Variants in ITFG2 observed in about 807,000 individuals in gnomAD.
ITFG2 encodes the protein KICSTOR complex protein ITFG2.
A neutral mutation model predicts 54.4 loss-of-function variants in ITFG2; 36 were observed. That is an observed-to-expected ratio of 0.66 (90% CI 0.51 to 0.87). ITFG2 has a LOEUF of 0.87. Ranked by LOEUF, ITFG2 falls within the 40% of genes least tolerant of loss-of-function variation. The pLI, the probability that ITFG2 is intolerant of heterozygous loss-of-function variation, is 0.00. For missense variants in ITFG2, 524 were observed against 576.7 expected (o/e 0.91, Z 0.94); for synonymous variants, 211 against 225.4 (o/e 0.94, Z 0.57).
upstream of ITFG2, chr12:2,834,900 TC>T: frequency 6.2e-7 from 1 of 1,613,876 alleles, no homozygotes; most frequent in East Asian, 2.2e-5. Context: ...CTCTGCTTCT[TC>T]CTGCCTGTCT....
chr12:2,838,669 C>T (rs1157619269), intron 1 of ITFG2, among the ~76,000 whole-genome samples: 1 of 152,198 alleles, frequency 6.6e-6, no homozygotes, highest in Non-Finnish European at 1.5e-5. Flanking sequence ...CCCCTGTGTT[C>T]TGTAACCCAA....
downstream of ITFG2, chr12:2,827,725 C>A: frequency 6.2e-7 from 1 of 1,612,908 alleles, no homozygotes; most frequent in South Asian, 1.1e-5. This position sits in a 1 kb window ranked among gnomAD's most constrained non-coding sequence, Gnocchi z 4.0. Flanking sequence ...TCCCAGTGGT[C>A]ACTGCTGCCC....
chr12:2,818,089 A>AC lies in ITFG2; in HGVS notation c.235-15dup, dbSNP rs2097928083. 1 of 1,613,070 alleles carries AC rather than the reference A, an allele frequency of 6.2e-7. No individual in the cohort carries two copies. Among genetic ancestry groups the AC allele is most frequent in the South Asian group, 1.1e-5 (1 of 91,064 alleles). Reference sequence around the variant, plus strand: ...TCCCTCCCCAGTCCATCTCTACTATACCTCTGTTTGTCCTAGAACCTGTTG... The same window carrying AC: ...TCCCTCCCCAGTCCATCTCTACTATACCCTCTGTTTGTCCTAGAACCTGTTG... On this transcript the variant is annotated splice_polypyrimidine_tract_variant and intron_variant, in intron 3 of 11. Coordinates refer to ENST00000228799, the MANE Select transcript of ITFG2 (RefSeq NM_018463.4).
intron 2 of ITFG2, chr12:2,849,669 C>A: frequency 1.1e-6 from 1 of 912,490 alleles, no homozygotes; most frequent in Admixed American, 2.4e-5. Flanking sequence ...TGTCTCTCCA[C>A]CTAATCGGAT....
chr12:2,834,574 C>G, upstream of ITFG2: 1 of 1,515,820 alleles, frequency 6.6e-7, no homozygotes, highest in East Asian at 2.3e-5. Context: ...GTCCTGCCTC[C>G]TGCTCAGGAT....
At chr12:2,857,045 C>T (rs1345203485) in intron 2 of ITFG2, 2 of 702,876 alleles carry the variant, frequency 2.8e-6, no homozygotes. Context: ...GCCTCAGAGC[C>T]AGGAGGGGCG....
chr12:2,834,932 CT>C (rs1354017708), upstream of ITFG2: 1 of 1,610,992 alleles, frequency 6.2e-7, no homozygotes, highest in South Asian at 1.1e-5. Context: ...CTGCAGCTCT[CT>C]TTCCAACAGG....
chr12:2,830,532 A>G, intron 2 of ITFG2: 3 of 589,688 alleles, frequency 5.1e-6, no homozygotes, highest in Non-Finnish European at 8.8e-6. Context: ...CACCGAGGAG[A>G]CATGGCTTGG....
chr12:2,830,807 A>T (rs1274949620), intron 2 of ITFG2: 1 of 1,613,714 alleles, frequency 6.2e-7, no homozygotes. Flanking sequence ...GCTCCCCCTG[A>T]AGCCAATTCG....
At chr12:2,852,883 C>G (rs781762620) in intron 2 of ITFG2, among the ~76,000 whole-genome samples, 4 of 151,968 alleles carry the variant, frequency 2.6e-5, no homozygotes, top group Admixed American at 6.6e-5. Flanking sequence ...CCTGTAATCC[C>G]AGCTACTCAG....
chr12:2,844,050 A>T lies in ITFG2; in HGVS notation n.300+3055A>T, dbSNP rs1021121035. 3.4e-5 allele frequency among the ~76,000 whole-genome samples: 5 copies of T among 147,048 alleles called. 2 individuals are homozygous for T. The highest frequency in any genetic ancestry group is 1.3e-4 in the African/African-American group (5 of 39,050). On this transcript the variant is annotated intron_variant and non_coding_transcript_variant, in intron 2 of 3. Transcript: ENST00000537710. The stretch of plus-strand genomic sequence containing the variant: ...CAAAGAGGGAGGACTTCTTGAGCCC[A>T]GGAGTTCAGCCTGGGCAAGCATGGC...
chr12:2,843,889 T>C (rs2098047199), intron 2 of ITFG2, among the ~76,000 whole-genome samples: 1 of 148,788 alleles, frequency 6.7e-6, no homozygotes, highest in African/African-American at 2.5e-5. Context: ...TTGGCATTTG[T>C]TTCTTCATCT....
upstream of ITFG2, among the ~76,000 whole-genome samples, chr12:2,833,942 G>C (rs925918138): frequency 6.7e-4 from 102 of 152,352 alleles, 1 homozygote; most frequent in African/African-American, 2.4e-3. Flanking sequence ...TGGCTGCGCA[G>C]CCCCGCTTGT....
At chr12:2,850,242 G>A (rs1039209183) in intron 2 of ITFG2, among the ~76,000 whole-genome samples, 9 of 152,212 alleles carry the variant, frequency 5.9e-5, no homozygotes, top group Middle Eastern at 3.4e-3. Context: ...TTGGGAGGCC[G>A]AGGCGGGTGG....
chr12:2,858,449 A>T, intron 3 of ITFG2: 1 of 559,400 alleles, frequency 1.8e-6, no homozygotes, highest in Non-Finnish European at 3.2e-6. Context: ...GGAATCAGAT[A>T]CTCTTGGGGA....
At chr12:2,850,978 C>CTTTT (rs35125854) in intron 2 of ITFG2, among the ~76,000 whole-genome samples, 44 of 81,666 alleles carry the variant, frequency 5.4e-4, no homozygotes, top group African/African-American at 1.3e-3. Flanking sequence ...GGCCCAGAGT[C>CTTTT]TTTTTTTTTT....
chr12:2,844,539 G>A (rs1057186663), intron 2 of ITFG2, among the ~76,000 whole-genome samples: 1 of 152,154 alleles, frequency 6.6e-6, no homozygotes, highest in African/African-American at 2.4e-5. Context: ...GGACAGCAGA[G>A]CAAGACCCTG....
chr12:2,819,046 G>A (rs927709689), intron 4 of ITFG2, among the ~76,000 whole-genome samples: 5 of 151,708 alleles, frequency 3.3e-5, no homozygotes, highest in African/African-American at 4.8e-5. Context: ...AGCCGACCAC[G>A]GTGGTTCACG....
At chr12:2,818,564 G>T (rs1305656559) in intron 4 of ITFG2, 2 of 452,132 alleles carry the variant, frequency 4.4e-6, no homozygotes, top group Admixed American at 6.9e-5. Context: ...TTGGGAGGCT[G>T]AGATGGGAGG....
Sources: gnomAD v4.1 joint callset for allele counts (sites outside exome capture counted in the v4.1 genomes callset) on GRCh38, gnomAD v4.1.1 for gene constraint, Gnocchi (gnomAD v3.1) non-coding constraint, MANE v1.5 for transcripts, NCBI Gene and HGNC (gene_info 2026-07-23, HGNC 2026-07-21) for gene names.